Variants in SLCO3A1 observed in about 807,000 individuals in gnomAD.
SLCO3A1 encodes PGE1 transporter.
SLCO3A1 carries 27 observed loss-of-function variants against 63.1 expected under a neutral mutation model. That is an observed-to-expected ratio of 0.43 (90% CI 0.32 to 0.59). The LOEUF is 0.59. Among genes scored for constraint, SLCO3A1 ranks in the 20% least tolerant of loss-of-function variants. SLCO3A1 has a pLI of 0.09. For synonymous variants in SLCO3A1, 473 were observed against 409.9 expected, an observed-to-expected ratio of 1.15 and a Z score of -1.86; for missense variants, 773 against 945.8, an observed-to-expected ratio of 0.82 and a Z score of 2.40.
At chr15:91,896,559 G>A (rs1035967498) in intron 1 of SLCO3A1, among the ~76,000 whole-genome samples, 2 of 152,168 alleles carry the variant, frequency 1.3e-5, no homozygotes, top group African/African-American at 2.4e-5. Flanking sequence ...TAGTGAATAA[G>A]TCTCATGAGA....
chr15:92,022,417 A>C (rs1186260117), intron 2 of SLCO3A1, among the ~76,000 whole-genome samples: 2 of 152,216 alleles, frequency 1.3e-5, no homozygotes, highest in African/African-American at 4.8e-5. Context: ...CAATAGAACT[A>C]TTAAGGAAAT....
rs11074022 is a variant in SLCO3A1 at position 91,883,312 on chromosome 15, C to T, written c.180+29224C>T. 0.028 allele frequency among the ~76,000 whole-genome samples: 4,310 copies of T among 152,240 alleles called. 163 individuals are homozygous for T. Among genetic ancestry groups the T allele is most frequent in the East Asian group, 0.093 (480 of 5,176 alleles). ...AACTTGGCACCGGGACCCTAGAATC[C>T]CCTCTTTCTGGTTTGCTTTTTCACT... On this transcript the variant is annotated intron_variant, in intron 1 of 9. Coordinates refer to ENST00000318445, the MANE Select transcript of SLCO3A1 (RefSeq NM_013272.4). This position sits in a 1 kb window ranked among gnomAD's most constrained non-coding sequence, Gnocchi z 4.8.
At chr15:91,937,718 C>CAA (rs34049553) in intron 2 of SLCO3A1, among the ~76,000 whole-genome samples, 5,408 of 112,914 alleles carry the variant, frequency 0.048, 368 homozygotes, top group African/African-American at 0.16. Flanking sequence ...GACTCCATCT[C>CAA]AAAAAAAAAA....
In SLCO3A1 at chr15:91,883,744, G is replaced by T. The variant is rs1388717995; in HGVS notation, c.180+29656G>T. Among the ~76,000 whole-genome samples, 5 of 152,194 alleles carry T rather than the reference G, an allele frequency of 3.3e-5. No homozygotes were observed. The highest frequency in any genetic ancestry group is 2.0e-4 in the Admixed American group (3 of 15,288). On this transcript the variant is annotated intron_variant, in intron 1 of 9. Coordinates refer to ENST00000318445, the MANE Select transcript of SLCO3A1 (RefSeq NM_013272.4). The surrounding 1 kb of genome is among the most constrained non-coding windows in gnomAD (Gnocchi z 4.8). ...TCGGTTCCAAGTATTTTTTGAAGTA[G>T]AAGTGTGTTTGTAATATCCTACTTA...
Position 91,967,575 on chromosome 15 carries a change from C to A in SLCO3A1, c.646+51117C>A, listed in dbSNP as rs925361642. Among the ~76,000 whole-genome samples, 1 of 152,208 alleles carries A rather than the reference C, an allele frequency of 6.6e-6. No homozygotes were observed. Among genetic ancestry groups the A allele is most frequent in the African/African-American group, 2.4e-5 (1 of 41,446 alleles). ...ACAGCACTCGACATATAATAAAAAT[C>A]AATATGGATAAGACACCTATTACAC... On this transcript the variant is annotated intron_variant, in intron 2 of 9. Coordinates refer to ENST00000318445, the MANE Select transcript of SLCO3A1 (RefSeq NM_013272.4). The surrounding 1 kb of genome is among the most constrained non-coding windows in gnomAD (Gnocchi z 4.4).
chr15:92,017,671 T>A (rs2046454450), intron 2 of SLCO3A1, among the ~76,000 whole-genome samples: 1 of 151,738 alleles, frequency 6.6e-6, no homozygotes, highest in Admixed American at 6.6e-5. Flanking sequence ...GTGTGGACAT[T>A]TGGGGAGGAG....
At position 92,162,884 on chromosome 15, in the gene SLCO3A1, A is replaced by G; in HGVS notation, c.1882A>G (p.Ser628Gly). The change falls in exon 10 of 10, where the codon AGC becomes GGC. Residue 628 changes from serine (S) to glycine (G), a missense_variant. Ser to Gly is a moderately conservative substitution (Grantham distance 56). Around this residue, in one of 3 missense-constraint regions of SLCO3A1, gnomAD observed 139 missense variants for 131.4 expected, o/e 1.06. Coordinates refer to ENST00000318445, the MANE Select transcript of SLCO3A1 (RefSeq NM_013272.4). ...DNVVYRYLYV[S>G]IAIALKSFAF... ...TGTGGTCTACCGATACCTGTATGTC[A>G]GCATCGCCATCGCGCTCAAATCCTT... The G allele has an allele frequency of 6.2e-7, 1 of 1,614,210 alleles. No homozygotes were observed. Among genetic ancestry groups the G allele is most frequent in the Non-Finnish European group, 8.5e-7 (1 of 1,180,036 alleles).
chr15:92,065,273 G>T (rs2047136878), intron 2 of SLCO3A1, among the ~76,000 whole-genome samples: 1 of 152,078 alleles, frequency 6.6e-6, no homozygotes, highest in South Asian at 2.1e-4. Flanking sequence ...TTTTGGTAGA[G>T]ATAGGGTTTC....
At chr15:92,028,460 C>T (rs552633891) in intron 2 of SLCO3A1, among the ~76,000 whole-genome samples, 3 of 152,222 alleles carry the variant, frequency 2.0e-5, no homozygotes, top group Admixed American at 6.5e-5. Flanking sequence ...GTTTATTGAA[C>T]GCCGACAGCA....
intron 9 of SLCO3A1, among the ~76,000 whole-genome samples, chr15:92,152,701 C>G (rs1267215161): frequency 1.3e-5 from 2 of 152,188 alleles, no homozygotes; most frequent in Non-Finnish European, 2.9e-5. Flanking sequence ...CACATTGACA[C>G]CCTAATTTTT....
intron 1 of SLCO3A1, among the ~76,000 whole-genome samples, chr15:91,858,092 C>T (rs145061478): frequency 1.0e-3 from 154 of 151,642 alleles, no homozygotes; most frequent in African/African-American, 3.6e-3. Flanking sequence ...ATGGGTGAGG[C>T]GAAACTGCTA....
rs1171623606 is a variant in SLCO3A1, at chr15:91,865,272, T to C, written c.180+11184T>C. Among the ~76,000 whole-genome samples, 1 of 152,236 alleles carries C rather than the reference T, an allele frequency of 6.6e-6. No homozygotes were observed. Among genetic ancestry groups the C allele is most frequent in the Non-Finnish European group, 1.5e-5 (1 of 68,042 alleles). On this transcript the variant is annotated intron_variant, in intron 1 of 9. Transcript: ENST00000318445. The surrounding 1 kb of genome is among the most constrained non-coding windows in gnomAD (Gnocchi z 4.6). ...AGAGTTCGTAGGACAGTAGGATTAT[T>C]CCCTAACATTTTCAATATCTCAGAT... is the stretch of plus-strand genomic sequence containing the variant.
At chr15:92,152,737 T>C (rs562311552) in intron 9 of SLCO3A1, among the ~76,000 whole-genome samples, 2 of 152,232 alleles carry the variant, frequency 1.3e-5, no homozygotes, top group Non-Finnish European at 2.9e-5. Context: ...ATTCCACATA[T>C]GCATTTGTTC....
Position 92,126,148 on chromosome 15 carries a change from T to C in SLCO3A1, c.1262T>C (p.Ile421Thr). ...KKLSLSALGA[I>T]RMAMLVNLVS... ...CTCAGCCTGTCTGCCCTGGGGGCCA[T>C]TCGGATGGCCATGCTCGTCAACCTG... Residue 421 changes from isoleucine to threonine, a missense_variant, in exon 6 of 10, where the codon ATT becomes ACT. Physicochemically the swap from Ile to Thr is moderately conservative, Grantham distance 89. Coordinates refer to ENST00000318445, the MANE Select transcript of SLCO3A1 (RefSeq NM_013272.4). 6.2e-7 allele frequency: 1 copy of C among 1,613,998 alleles called. No homozygotes were observed. Among genetic ancestry groups the C allele is most frequent in the East Asian group, 2.2e-5 (1 of 44,848 alleles).
chr15:91,953,102 A>G (rs1900052178), intron 2 of SLCO3A1, among the ~76,000 whole-genome samples: 1 of 152,218 alleles, frequency 6.6e-6, no homozygotes, highest in Admixed American at 6.5e-5. Flanking sequence ...TCTTCAGAGT[A>G]GACTAGGAGG....
chr15:91,913,322 G>C (rs749667817), intron 1 of SLCO3A1, among the ~76,000 whole-genome samples: 1 of 152,240 alleles, frequency 6.6e-6, no homozygotes, highest in Non-Finnish European at 1.5e-5. Context: ...GGCTGAAAGA[G>C]AGACCCCCAA....
At chr15:92,134,504 A>T (rs911877734) in intron 7 of SLCO3A1, among the ~76,000 whole-genome samples, 8 of 152,346 alleles carry the variant, frequency 5.3e-5, no homozygotes, top group Non-Finnish European at 1.0e-4. Context: ...CTTACCTTAC[A>T]ATATAGTTAA....
intron 4 of SLCO3A1, among the ~76,000 whole-genome samples, chr15:92,115,911 A>G (rs2047789986): frequency 6.8e-6 from 1 of 147,684 alleles, no homozygotes; most frequent in Admixed American, 6.9e-5. Flanking sequence ...TATTATTATT[A>G]TTGCTATTAC....
At chr15:91,870,850 C>T (rs566366585) in intron 1 of SLCO3A1, among the ~76,000 whole-genome samples, 8 of 150,522 alleles carry the variant, frequency 5.3e-5, no homozygotes, top group African/African-American at 1.9e-4. Flanking sequence ...TAGTTTTCAA[C>T]GTATTTCTTT....
Sources: gnomAD v4.1 joint callset for allele counts (sites outside exome capture counted in the v4.1 genomes callset) on GRCh38, gnomAD v4.1.1 for gene constraint, gnomAD v4.1.1 regional missense constraint, Gnocchi (gnomAD v3.1) non-coding constraint, MANE v1.5 for transcripts, NCBI Gene and HGNC (gene_info 2026-07-23, HGNC 2026-07-21) for gene names.